PCGF6: variants seen among roughly 807,000 people sequenced by gnomAD.
PCGF6 encodes the protein polycomb group ring finger 6, also known as polycomb group RING finger protein 6.
PCGF6 carries 24 observed loss-of-function variants against 45.5 expected under a neutral mutation model. That is an observed-to-expected ratio of 0.53 (90% CI 0.38 to 0.74). The LOEUF is 0.74. PCGF6 is among the 30% of genes least tolerant of loss of function. The probability of loss-of-function intolerance (pLI) is 0.00; values close to 1 mark genes in which losing one functional copy is unlikely to be tolerated. For synonymous variants in PCGF6, 152 were observed against 162.1 expected, an observed-to-expected ratio of 0.94 and a Z score of 0.47; for missense variants, 356 against 443.2, an observed-to-expected ratio of 0.80 and a Z score of 1.77.
intron 9 of PCGF6, among the ~76,000 whole-genome samples, chr10:103,305,498 T>C (rs566572166): frequency 1.3e-5 from 2 of 152,152 alleles, no homozygotes; most frequent in South Asian, 2.1e-4. Flanking sequence ...CCCGAACTCC[T>C]GACCTCAGGT....
chr10:103,350,581 G>T (rs538902073), intron 1 of PCGF6, 126 bp downstream of exon 1: 5 of 964,116 alleles, frequency 5.2e-6, no homozygotes, highest in African/African-American at 1.7e-5. Context: ...GAGGTCGGGG[G>T]AGGTCCGCTC....
chr10:103,339,163 C>G (rs1422912654), intron 6 of PCGF6, among the ~76,000 whole-genome samples: 1 of 152,086 alleles, frequency 6.6e-6, no homozygotes, highest in African/African-American at 2.4e-5. Context: ...GCCTGTAATC[C>G]CATCATTTTG....
intron 5 of PCGF6, among the ~76,000 whole-genome samples, chr10:103,345,421 A>C (rs1469478090): frequency 6.6e-6 from 1 of 152,028 alleles, no homozygotes; most frequent in Non-Finnish European, 1.5e-5. Flanking sequence ...AAGCACTACT[A>C]TGTGTCAGGG....
At chr10:103,350,461 G>C (rs199750074) in intron 1 of PCGF6, among the ~76,000 whole-genome samples, 15 of 152,322 alleles carry the variant, frequency 9.8e-5, no homozygotes, top group Admixed American at 9.2e-4. Flanking sequence ...GAACGAATGA[G>C]TTGGACTCGC....
chr10:103,338,941 T>C (rs1235638394), intron 6 of PCGF6, among the ~76,000 whole-genome samples: 2 of 152,138 alleles, frequency 1.3e-5, no homozygotes, highest in East Asian at 3.9e-4. Context: ...GAGAAATTAG[T>C]GCAGAGGCTG....
chr10:103,325,852 TAA>T (rs34739627), intron 8 of PCGF6, among the ~76,000 whole-genome samples: 61,327 of 134,874 alleles, frequency 0.45, 13,517 homozygotes, highest in South Asian at 0.64. Context: ...CCGCATCTCT[TAA>T]AAAAAAAAAA....
At chr10:103,343,846 A>AAAAAAAAAAG (rs2093289991) in intron 6 of PCGF6, among the ~76,000 whole-genome samples, 1 of 150,244 alleles carries the variant, frequency 6.7e-6, no homozygotes, top group Non-Finnish European at 1.5e-5. Flanking sequence ...AAAAAAAAAA[A>AAAAAAAAAAG]AAAAGAAAGG....
rs1337607827 is a variant in PCGF6 at position 103,303,249 on chromosome 10, T to C, written c.*656A>G. The C allele has an allele frequency of 2.0e-5, 3 of 152,602 alleles. No homozygotes were observed. Among genetic ancestry groups the C allele is most frequent in the African/African-American group, 7.2e-5 (3 of 41,450 alleles). The allele number at this position is 152,602 out of a possible 1,614,324, so 9.5% of individuals were successfully genotyped here. ...ACTGTCACAAAGAAGCACCCCTTAT[T>C]GGAAGATGTATTGAAGAAGTCTTAT... On this transcript the variant is annotated 3_prime_UTR_variant, in exon 10 of 10. Transcript: ENST00000369847.
chr10:103,316,308 A>G (rs1241099616), intron 8 of PCGF6, among the ~76,000 whole-genome samples: 1 of 152,154 alleles, frequency 6.6e-6, no homozygotes, highest in Non-Finnish European at 1.5e-5. Context: ...TGTTTACTCC[A>G]ATAAATTTTA....
At chr10:103,339,411 G>C (rs1253997208) in intron 6 of PCGF6, among the ~76,000 whole-genome samples, 1 of 151,520 alleles carries the variant, frequency 6.6e-6, no homozygotes, top group Admixed American at 6.6e-5. Flanking sequence ...AACAGATAAA[G>C]GACTGTCTTA....
chr10:103,350,836 G>C lies in PCGF6; in HGVS notation c.231C>G (p.Phe77Leu). Residue 77 changes from phenylalanine to leucine, a missense_variant, in exon 1 of 10, where the codon TTC (phenylalanine) becomes TTG (leucine). Phe to Leu is a conservative substitution (Grantham distance 22). Around this residue, in one of 2 missense-constraint regions of PCGF6, gnomAD observed 307 missense variants for 350.1 expected, o/e 0.88. Transcript: ENST00000369847. ...ERSLGRFRGRFEDEDEELEEE... is the reference protein window; with the variant it reads ...ERSLGRFRGRLEDEDEELEEE... ...CTTCCAACTCCTCGTCCTCGTCCTC[G>C]AAGCGGCCTCTGAAGCGGCCCAGGC... 1 of 1,546,138 alleles carries C rather than the reference G, an allele frequency of 6.5e-7. No individual in the cohort carries two copies. Among genetic ancestry groups the C allele is most frequent in the Non-Finnish European group, 8.7e-7 (1 of 1,145,352 alleles).
chr10:103,347,696 G>T (rs748153076), intron 3 of PCGF6, among the ~76,000 whole-genome samples: 35 of 151,946 alleles, frequency 2.3e-4, no homozygotes, highest in African/African-American at 7.5e-4. Context: ...ATTGTTTTTT[G>T]TGTGTGTGTG....
chr10:103,310,147 T>C (rs2093151882), intron 9 of PCGF6, among the ~76,000 whole-genome samples: 1 of 151,736 alleles, frequency 6.6e-6, no homozygotes, highest in South Asian at 2.1e-4. Flanking sequence ...AGATGGGGTT[T>C]CACCATGTTA....
Position 103,350,719 on chromosome 10 carries a change from C to T in PCGF6, c.348G>A (p.Glu116=). The T allele has an allele frequency of 1.3e-6, 2 of 1,533,436 alleles. No homozygotes were observed. The highest frequency in any genetic ancestry group is 2.5e-5 in the South Asian group (2 of 80,374). The allele number at this position is 1,533,436 out of a possible 1,614,324, so 95.0% of individuals were successfully genotyped here. A position where few individuals can be genotyped will look rare whatever the true frequency, so the allele number is the denominator to read the frequency against. ...GGGCTCTAAATACCTCCTCCTCGTC[C>T]TCCGAGTCCTGCCGGCCTCCCTCCA... The part of the protein sequence containing the change: ...LRLEGGRQDS[E]DEEERLINLS... Residue 116 remains glutamate, a synonymous_variant, in exon 1 of 10, where the codon GAG becomes GAA. Coordinates refer to ENST00000369847, the MANE Select transcript of PCGF6 (RefSeq NM_001011663.2).
chr10:103,320,503 A>G (rs375871607), intron 8 of PCGF6, among the ~76,000 whole-genome samples: 1 of 152,142 alleles, frequency 6.6e-6, no homozygotes, highest in Non-Finnish European at 1.5e-5. Context: ...CCTGGCCAAC[A>G]TGGAGAAACT....
At chr10:103,349,037 T>A in intron 1 of PCGF6, 38 bp from the exon 2 acceptor site, 3 of 1,532,446 alleles carry the variant, frequency 2.0e-6, no homozygotes. Context: ...ATACAAGTCC[T>A]TGCCTTTTAC....
intron 1 of PCGF6, 68 bp from the exon 2 acceptor site, chr10:103,349,067 G>C: frequency 8.4e-7 from 1 of 1,192,966 alleles, no homozygotes; most frequent in South Asian, 1.4e-5. Flanking sequence ...TTTTTTTTTT[G>C]AGACAGAGTC....
intron 9 of PCGF6, among the ~76,000 whole-genome samples, chr10:103,311,107 A>G (rs1181134641): frequency 3.9e-5 from 6 of 152,056 alleles, no homozygotes; most frequent in African/African-American, 1.4e-4. Context: ...AAATGTTGGG[A>G]TTATAGGAGC....
chr10:103,344,172 T>C (rs1357075290), intron 6 of PCGF6, among the ~76,000 whole-genome samples: 3 of 151,928 alleles, frequency 2.0e-5, no homozygotes, highest in Non-Finnish European at 2.9e-5. Context: ...GAGTGAAAAG[T>C]ATACCATTTC....
Sources: allele counts gnomAD v4.1 joint callset (sites outside exome capture counted in the v4.1 genomes callset), GRCh38; gene constraint gnomAD v4.1.1; regional missense constraint gnomAD v4.1.1; transcripts MANE v1.5; gene names NCBI Gene and HGNC (gene_info 2026-07-23, HGNC 2026-07-21).